Variants in PAK6 observed in about 807,000 individuals in gnomAD.
PAK6 encodes the protein p21 (RAC1) activated kinase 6.
Under a neutral mutation model 60.8 loss-of-function variants are expected in PAK6, and 33 were observed. The observed-to-expected ratio is 0.54, with a 90% CI of 0.41 to 0.73. The LOEUF (loss-of-function observed/expected upper bound fraction) is 0.73. Ranked by LOEUF, PAK6 falls within the 30% of genes least tolerant of loss-of-function variation. The probability of loss-of-function intolerance (pLI) is 0.00; values close to 1 mark genes in which losing one functional copy is unlikely to be tolerated. For missense variants in PAK6, 845 were observed against 904.1 expected, an observed-to-expected ratio of 0.93 and a Z score of 0.84; for synonymous variants, 404 against 378.5, an observed-to-expected ratio of 1.07 and a Z score of -0.78.
chr15:40,246,088 G>A (rs943798113), intron 2 of PAK6: 1 of 152,272 alleles, frequency 6.6e-6, no homozygotes, highest in Non-Finnish European at 1.5e-5. Context: ...TGGGGACCAG[G>A]CCACTCTCTG....
chr15:40,241,892 C>T (rs1595560622), intron 2 of PAK6, among the ~76,000 whole-genome samples: 1 of 152,208 alleles, frequency 6.6e-6, no homozygotes, highest in Non-Finnish European at 1.5e-5. Context: ...GTCTCTCATG[C>T]CAGTGAATTC....
intron 5 of PAK6, among the ~76,000 whole-genome samples, chr15:40,267,657 C>T (rs1279870396): frequency 1.3e-5 from 2 of 151,836 alleles, no homozygotes; most frequent in South Asian, 2.1e-4. Flanking sequence ...AGCGAGACTC[C>T]GTCTCAAAAA....
intron 9 of PAK6, 122 bp from the exon 10 acceptor site, chr15:40,274,020 G>T: frequency 8.4e-7 from 1 of 1,183,980 alleles, no homozygotes. Context: ...GGGGAGGAAG[G>T]AGACAGACCC....
At chr15:40,276,052 G>A in exon 11 of PAK6, 2 of 1,613,698 alleles carry the variant, frequency 1.2e-6, no homozygotes, top group Non-Finnish European at 1.7e-6. Flanking sequence ...AGTGCCTGGT[G>A]CCCCTGATCC....
At chr15:40,274,323 G>A (rs777274131) in intron 10 of PAK6, 47 bp downstream of exon 10, 1 of 1,530,788 alleles carries the variant, frequency 6.5e-7, no homozygotes, top group East Asian at 2.3e-5. Flanking sequence ...CATTCCTCCT[G>A]AGGCAAGGGG....
intron 2 of PAK6, chr15:40,246,875 G>A (rs891786188): frequency 1.4e-4 from 21 of 152,338 alleles, no homozygotes; most frequent in African/African-American, 4.6e-4. Flanking sequence ...CAGACTCTGA[G>A]GCCAGCTAGT....
intron 3 of PAK6, among the ~76,000 whole-genome samples, chr15:40,254,392 TA>T (rs1414562777): frequency 1.3e-5 from 2 of 152,108 alleles, no homozygotes; most frequent in South Asian, 2.1e-4. Context: ...AAAGTAAAGG[TA>T]GGGGTCCTTG....
Position 40,265,971 on chromosome 15 carries a change from C to A in PAK6, c.334C>A (p.Gln112Lys), listed in dbSNP as rs781276189. ...CAGCCCCACCAGCCGGCGGCGGGCA[C>A]AGTCCCTGGGGCTGCTGGGGGATGA... is the stretch of plus-strand genomic sequence containing the variant. The change falls in exon 5 of 11, where the codon CAG becomes AAG. Residue 112 changes from glutamine to lysine, a missense_variant. Physicochemically the swap from Gln to Lys is moderately conservative, Grantham distance 53. Transcript: ENST00000560346. 10 of 1,604,254 alleles carry A rather than the reference C, an allele frequency of 6.2e-6. No individual in the cohort carries two copies. The highest frequency in any genetic ancestry group is 2.7e-5 in the African/African-American group (2 of 74,730).
rs535240512 is a variant in PAK6, at chr15:40,252,254, A to G, written c.-117-924A>G. ...CTCTGGAGCGTGCATCTGCGATGCC[A>G]GTGAACGAGGTGATTACACACAGCC... On this transcript the variant is annotated intron_variant, in intron 2 of 10. Transcript: ENST00000560346. 4.8e-5 allele frequency: 58 copies of G among 1,196,110 alleles called. No individual in the cohort carries two copies. The South Asian group carries it at 7.8e-4, about 16-fold the overall frequency. The allele number at this position is 1,196,110 out of a possible 1,614,324, so 74.1% of individuals were successfully genotyped here.
intron 3 of PAK6, 21 bp downstream of exon 3, chr15:40,253,310 C>G (rs893026101): frequency 4.4e-6 from 2 of 454,590 alleles, no homozygotes; most frequent in East Asian, 6.9e-5. Context: ...GAGCGGCCCC[C>G]GGCCCTAGAG....
exon 7 of PAK6, chr15:40,272,978 C>G: frequency 1.2e-6 from 2 of 1,613,824 alleles, no homozygotes; most frequent in Non-Finnish European, 1.7e-6. Flanking sequence ...GGAGCCCTCA[C>G]AGACATCGTC....
chr15:40,272,947 C>G, exon 7 of PAK6: 1 of 1,614,048 alleles, frequency 6.2e-7, no homozygotes. Context: ...GCTGTGGGTG[C>G]TCATGGAGTT....
rs141183923 is a variant in PAK6 at position 40,239,829 on chromosome 15, C to A, written c.-201+27C>A. The A allele has an allele frequency of 1.6e-3, 238 of 152,790 alleles. 5 individuals are homozygous for A. The East Asian group carries it at 0.018, about 12-fold the overall frequency. The allele number at this position is 152,790 out of a possible 1,614,324, so 9.5% of individuals were successfully genotyped here. A position where few individuals can be genotyped will look rare whatever the true frequency, so the allele number is the denominator to read the frequency against. On this transcript the variant is annotated intron_variant, in intron 1 of 10. Transcript: ENST00000560346. The stretch of plus-strand genomic sequence containing the variant: ...TAGGTGGCTCTGTGTTGGGTGTGGA[C>A]CCACGTGTGTGTGAGTGCGAGAGTG...
At chr15:40,263,971 G>C in intron 3 of PAK6, 1 of 455,978 alleles carries the variant, frequency 2.2e-6, no homozygotes, top group South Asian at 1.5e-5. Context: ...TCAAGGGGAG[G>C]TGGTGCTCTC....
chr15:40,275,831 G>A (rs1183603737), intron 10 of PAK6, 96 bp from the exon 11 acceptor site: 14 of 1,212,780 alleles, frequency 1.2e-5, no homozygotes, highest in South Asian at 5.5e-5. Context: ...AAAAACCAGC[G>A]AATTCATGAC....
intron 3 of PAK6, chr15:40,259,992 A>G (rs908938122): frequency 6.6e-6 from 1 of 152,046 alleles, no homozygotes; most frequent in Non-Finnish European, 1.5e-5. Flanking sequence ...CATTGGCAAA[A>G]TCTTTAAAAA....
At chr15:40,275,241 A>G (rs1566859621) in intron 10 of PAK6, among the ~76,000 whole-genome samples, 1 of 130,640 alleles carries the variant, frequency 7.7e-6, no homozygotes, top group Non-Finnish European at 1.6e-5. Flanking sequence ...TTTTCAGAGT[A>G]CTTCCTCATC....
chr15:40,276,186 AG>A (rs1189104389), exon 11 of PAK6: 1 of 1,200,172 alleles, frequency 8.3e-7, no homozygotes, highest in African/African-American at 1.5e-5. Flanking sequence ...TCCTCCTCTC[AG>A]TATTCTCTCC....
chr15:40,272,995 G>A (rs372547442), exon 7 of PAK6: 18 of 1,613,674 alleles, frequency 1.1e-5, no homozygotes, highest in Non-Finnish European at 1.5e-5. Context: ...CGTCTCCCAA[G>A]TCAGGTGGGC....
Sources: allele counts gnomAD v4.1 joint callset (sites outside exome capture counted in the v4.1 genomes callset), GRCh38; gene constraint gnomAD v4.1.1; transcripts MANE v1.5; gene names NCBI Gene and HGNC (gene_info 2026-07-23, HGNC 2026-07-21).